The following ACP6 variants were observed in gnomAD, a reference collection of about 807,000 sequenced individuals.
The protein encoded by ACP6 is lysophosphatidic acid phosphatase type 6.
Under a neutral mutation model 48.1 loss-of-function variants are expected in ACP6, and 48 were observed. That is an observed-to-expected ratio of 1.00 (90% CI 0.79 to 1.27). The LOEUF is 1.27. Among genes scored for constraint, ACP6 ranks in the 50% most tolerant of loss-of-function variants. The probability of loss-of-function intolerance (pLI) is 0.00; values close to 1 mark genes in which losing one functional copy is unlikely to be tolerated. For synonymous variants in ACP6, 172 were observed against 204.2 expected (o/e 0.84, Z 1.34); for missense variants, 485 against 529.1 (o/e 0.92, Z 0.82).
chr1:147,660,593 A>G (rs1395679155), intron 1 of ACP6, among the ~76,000 whole-genome samples: 3 of 152,206 alleles, frequency 2.0e-5, no homozygotes, highest in African/African-American at 7.2e-5. Context: ...ACTGCCTAGA[A>G]GAAAAGTCCC....
intron 1 of ACP6, among the ~76,000 whole-genome samples, chr1:147,661,856 G>T (rs782036379): frequency 5.5e-4 from 83 of 152,216 alleles, no homozygotes; most frequent in Non-Finnish European, 1.0e-3. Context: ...ATAGGAAGAA[G>T]ATCCCAGCTA....
chr1:147,659,884 C>A (rs1287858598), intron 1 of ACP6, 109 bp from the exon 2 acceptor site: 29 of 1,317,732 alleles, frequency 2.2e-5, no homozygotes, highest in Non-Finnish European at 2.9e-5. Flanking sequence ...TGACACTAGG[C>A]CTGCAACCTT....
In ACP6 at chr1:147,650,234, T is replaced by G; in HGVS notation, c.886A>C (p.Ser296Arg). The G allele has an allele frequency of 6.3e-7, 1 of 1,597,826 alleles. No homozygotes were observed. Among genetic ancestry groups the G allele is most frequent in the Non-Finnish European group, 8.5e-7 (1 of 1,173,932 alleles). Reference sequence around the variant, plus strand: ...AATGGGCCTACTGCCATCTGAAGACTTTCCCTGTGAAAAGTGAACAACATT... The same window carrying G: ...AATGGGCCTACTGCCATCTGAAGACGTTCCCTGTGAAAAGTGAACAACATT... ...LYILPKEDRE[S>R]LQMAVGPFLH... Residue 296 changes from serine (S) to arginine (R), a missense_variant, in exon 8 of 10, where the codon AGT (serine) becomes CGT (arginine). Ser to Arg is a moderately radical substitution (Grantham distance 110, BLOSUM62 -1). Transcript: ENST00000583509.
chr1:147,647,512 T>TA lies in ACP6; in HGVS notation c.1197_1198insT (p.Asn400Ter), dbSNP rs2148902131. On this transcript the variant is annotated frameshift_variant, in exon 10 of 10. Coordinates refer to ENST00000583509, the MANE Select transcript of ACP6 (RefSeq NM_016361.5). LOFTEE classifies it high-confidence loss of function. The stretch of plus-strand genomic sequence containing the variant: ...CTTAAGGTATAAACTGACATGGCAT[T>TA]CAAGAACATGTCCAGCGGGCAGAGC... 6.2e-7 allele frequency: 1 copy of TA among 1,614,100 alleles called. No individual in the cohort carries two copies. The highest frequency in any genetic ancestry group is 8.5e-7 in the Non-Finnish European group (1 of 1,180,028).
intron 7 of ACP6, chr1:147,652,239 T>A (rs1318635430): frequency 2.0e-6 from 1 of 496,310 alleles, no homozygotes; most frequent in Non-Finnish European, 3.6e-6. Flanking sequence ...TGGTTCTGCA[T>A]AACAGGGAAC....
rs1660113158 is a variant in ACP6 at position 147,654,259 on chromosome 1, T to C, written c.715A>G (p.Met239Val). ...ACTTTATCACTACTGTCAATGCCCATCCTGTCCTTCACCTTTTTCAAATCC... is the reference window on the plus strand; with the variant it reads ...ACTTTATCACTACTGTCAATGCCCACCCTGTCCTTCACCTTTTTCAAATCC... ...SEDLKKVKDRMGIDSSDKVDF... is the reference protein window; with the variant it reads ...SEDLKKVKDRVGIDSSDKVDF... The change falls in exon 6 of 10, where the codon ATG (methionine) becomes GTG (valine). Residue 239 changes from methionine (M) to valine (V), a missense_variant. Coordinates refer to ENST00000583509, the MANE Select transcript of ACP6 (RefSeq NM_016361.5). 2.5e-6 allele frequency: 4 copies of C among 1,614,202 alleles called. No homozygotes were observed. The highest frequency in any genetic ancestry group is 3.4e-6 in the Non-Finnish European group (4 of 1,180,032).
intron 5 of ACP6, among the ~76,000 whole-genome samples, chr1:147,631,413 G>C (rs1420875208): frequency 6.6e-6 from 1 of 152,162 alleles, no homozygotes; most frequent in Non-Finnish European, 1.5e-5. Context: ...CACTCTAGAT[G>C]AAGTTACTAT....
At chr1:147,634,544 C>A (rs1339115084) in intron 5 of ACP6, among the ~76,000 whole-genome samples, 6 of 151,950 alleles carry the variant, frequency 3.9e-5, no homozygotes, top group African/African-American at 1.5e-4. Flanking sequence ...TGTCATAAAG[C>A]TTTTCCCCTG....
intron 8 of ACP6, 127 bp downstream of exon 8, chr1:147,650,016 C>G (rs981568350): frequency 7.1e-6 from 5 of 707,610 alleles, no homozygotes; most frequent in Non-Finnish European, 1.2e-5. Context: ...CACTTGAGGC[C>G]TGTTAAACAT....
chr1:147,652,343 GGAGACATCAGCTGTCAGGT>G lies in ACP6; in HGVS notation c.881+87_881+105del, dbSNP rs1443263866. 39 of 1,160,562 alleles carry G rather than the reference GGAGACATCAGCTGTCAGGT, an allele frequency of 3.4e-5. No individual in the cohort carries two copies. In the South Asian group the frequency reaches 5.5e-4, roughly 16 times the overall value. The allele number at this position is 1,160,562 out of a possible 1,614,324, so 71.9% of individuals were successfully genotyped here. The stretch of plus-strand genomic sequence containing the variant: ...AATGGGGTTCAGCCTCCTTACACGA[GGAGACATCAGCTGTCAGGT>G]GTGAGTGGGCCTGATGAACTCCTCT... On this transcript the variant is annotated intron_variant, in intron 7 of 9. Transcript: ENST00000583509.
chr1:147,649,101 G>A (rs1659777684), intron 8 of ACP6, among the ~76,000 whole-genome samples: 1 of 152,140 alleles, frequency 6.6e-6, no homozygotes, highest in African/African-American at 2.4e-5. Flanking sequence ...ACAGGAAATG[G>A]TATTCACAAG....
chr1:147,653,119 G>A (rs9662990), intron 6 of ACP6, among the ~76,000 whole-genome samples: 24,230 of 145,720 alleles, frequency 0.17, 4 homozygotes, highest in African/African-American at 0.24. Flanking sequence ...GAGCCACCGC[G>A]CCCGGCCTGT....
chr1:147,662,172 ATT>A (rs1483681115), intron 1 of ACP6, among the ~76,000 whole-genome samples: 1 of 152,230 alleles, frequency 6.6e-6, no homozygotes, highest in African/African-American at 2.4e-5. Flanking sequence ...ATTACTGCTC[ATT>A]GACAATGCAC....
At chr1:147,639,262 C>T (rs1488608922), downstream of ACP6, among the ~76,000 whole-genome samples, 1 of 152,126 alleles carries the variant, frequency 6.6e-6, no homozygotes, top group Non-Finnish European at 1.5e-5. Context: ...CCCCATTGTT[C>T]CATAATGTTA....
intron 6 of ACP6, among the ~76,000 whole-genome samples, chr1:147,653,923 T>G (rs1423629270): frequency 6.6e-6 from 1 of 152,136 alleles, no homozygotes; most frequent in Non-Finnish European, 1.5e-5. Flanking sequence ...CCATTGCCCC[T>G]GCCTGCCCAA....
At chr1:147,653,870 A>AT (rs1660087026) in intron 6 of ACP6, among the ~76,000 whole-genome samples, 1 of 152,146 alleles carries the variant, frequency 6.6e-6, no homozygotes, top group Non-Finnish European at 1.5e-5. Flanking sequence ...GATGCAATAA[A>AT]TAAGGATTCC....
intron 1 of ACP6, among the ~76,000 whole-genome samples, chr1:147,660,565 C>T (rs143270138): frequency 2.6e-5 from 4 of 152,322 alleles, no homozygotes; most frequent in African/African-American, 4.8e-5. Flanking sequence ...ACTATCCCCA[C>T]ACCAAGCCCT....
intron 1 of ACP6, 65 bp downstream of exon 1, chr1:147,669,765 G>T: frequency 6.8e-7 from 1 of 1,461,456 alleles, no homozygotes; most frequent in Non-Finnish European, 9.2e-7. Context: ...TGTGTGTCAG[G>T]GCGAGACTCC....
chr1:147,641,249 C>T (rs1173233387), downstream of ACP6, among the ~76,000 whole-genome samples: 2 of 145,434 alleles, frequency 1.4e-5, no homozygotes, highest in Middle Eastern at 3.4e-3. Context: ...CCCGGTGCTT[C>T]GAGGACTAGG....
Sources: gnomAD v4.1 joint callset for allele counts (sites outside exome capture counted in the v4.1 genomes callset) on GRCh38, gnomAD v4.1.1 for gene constraint, MANE v1.5 for transcripts, NCBI Gene and HGNC (gene_info 2026-07-23, HGNC 2026-07-21) for gene names.